Variants in ARID2 observed in about 807,000 individuals in gnomAD.
ARID2 encodes the protein AT-rich interactive domain-containing protein 2.
In ARID2, 32 loss-of-function variants were observed where a neutral mutation model predicts 184.6. The observed-to-expected ratio is 0.17, with a 90% CI of 0.13 to 0.23. ARID2 has a LOEUF of 0.23. ARID2 is among the 10% of genes least tolerant of loss of function. The probability of loss-of-function intolerance (pLI) is 1.00; values close to 1 mark genes in which losing one functional copy is unlikely to be tolerated. For synonymous variants in ARID2, 836 were observed against 772.6 expected (o/e 1.08, Z -1.36); for missense variants, 1,696 against 2,197.6 (o/e 0.77, Z 4.56).
intron 6 of ARID2, among the ~76,000 whole-genome samples, chr12:45,827,083 C>A (rs982017453): frequency 6.6e-6 from 1 of 151,906 alleles, no homozygotes; most frequent in African/African-American, 2.4e-5. Context: ...TACGTACTCA[C>A]ATCCAGGCCC....
intron 10 of ARID2, among the ~76,000 whole-genome samples, chr12:45,839,019 C>T (rs1056052093): frequency 9.2e-5 from 14 of 151,378 alleles, no homozygotes; most frequent in African/African-American, 2.9e-4. Context: ...GCACCATGCC[C>T]GGCTAATTTT....
In ARID2 at chr12:45,906,584, A is replaced by T. The variant is rs1385305751; in HGVS notation, c.*1506A>T. 8.6e-6 allele frequency: 2 copies of T among 232,650 alleles called. No homozygotes were observed. The highest frequency in any genetic ancestry group is 4.4e-5 in the African/African-American group (2 of 45,308). The allele number at this position is 232,650 out of a possible 1,614,324, so 14.4% of individuals were successfully genotyped here. A position where few individuals can be genotyped will look rare whatever the true frequency, so the allele number is the denominator to read the frequency against. ...TGAGTATGCTTAAGACATCTTAAAA[A>T]TATAGAGAGAATTCTAAATTCAGCT... On this transcript the variant is annotated 3_prime_UTR_variant, in exon 21 of 21. Coordinates refer to ENST00000334344, the MANE Select transcript of ARID2 (RefSeq NM_152641.4).
intron 20 of ARID2, among the ~76,000 whole-genome samples, chr12:45,902,765 G>T (rs997011981): frequency 6.6e-6 from 1 of 151,768 alleles, no homozygotes; most frequent in African/African-American, 2.4e-5. Flanking sequence ...GGCTGGTCTC[G>T]AACTCCTGAC....
chr12:45,788,359 A>G (rs1292591314), intron 3 of ARID2, among the ~76,000 whole-genome samples: 1 of 152,172 alleles, frequency 6.6e-6, no homozygotes, highest in East Asian at 1.9e-4. Context: ...TAAATTATCA[A>G]ACCTCAAGAT....
At chr12:45,885,316 AAT>A (rs1295887538) in intron 16 of ARID2, among the ~76,000 whole-genome samples, 1 of 152,058 alleles carries the variant, frequency 6.6e-6, no homozygotes, top group Admixed American at 6.5e-5. Flanking sequence ...TTAAAACTAA[AAT>A]ATGTTTGCAG....
chr12:45,862,198 A>T lies in ARID2; in HGVS notation c.4922+1249A>T, dbSNP rs567895225. ...GTTTGTTTTTCTTTTCAATGAAAAA[A>T]TTAAATATATCATAGTTCACCATGT... On this transcript the variant is annotated intron_variant, in intron 16 of 20. Coordinates refer to ENST00000334344, the MANE Select transcript of ARID2 (RefSeq NM_152641.4). Among the ~76,000 whole-genome samples, 8 of 152,286 alleles carry T rather than the reference A, an allele frequency of 5.3e-5. No individual in the cohort carries two copies. The South Asian group carries it at 1.2e-3, about 24-fold the overall frequency.
intron 3 of ARID2, among the ~76,000 whole-genome samples, chr12:45,798,997 G>T (rs1942444339): frequency 6.6e-6 from 1 of 151,278 alleles, no homozygotes; most frequent in South Asian, 2.1e-4. Flanking sequence ...ATTAACCTGG[G>T]TATTAAAATA....
chr12:45,842,269 A>G (rs1943358236), intron 11 of ARID2: 1 of 151,362 alleles, frequency 6.6e-6, no homozygotes, highest in African/African-American at 2.4e-5. Context: ...GTATATACAT[A>G]TATACACATA....
rs527356545 is a variant in ARID2 at position 45,817,641 on chromosome 12, A to ATACT, written c.419-26_419-23dup. The ATACT allele has an allele frequency of 3.2e-4, 490 of 1,547,624 alleles. No homozygotes were observed. The African/African-American group carries it at 6.0e-3, about 19-fold the overall frequency. On this transcript the variant is annotated intron_variant, in intron 4 of 20. Transcript: ENST00000334344. ...ACCATAAAGGTATCTGATCTTTGAT[A>ATACT]TACTTAAGGTATTTTTTTTCTTTGT...
chr12:45,777,825 A>ATATATTT (rs1942013957), intron 3 of ARID2, among the ~76,000 whole-genome samples: 1 of 148,008 alleles, frequency 6.8e-6, no homozygotes, highest in Admixed American at 6.8e-5. Context: ...TTATATAAAT[A>ATATATTT]TATATTTTAT....
chr12:45,798,271 C>A lies in ARID2; in HGVS notation c.285-13147C>A, dbSNP rs1213698987. ...TAATATTCTACATCCTTATCCTATT[C>A]TTTGCTAACATGCAATGTAGGATAA... is the stretch of plus-strand genomic sequence containing the variant. On this transcript the variant is annotated intron_variant, in intron 3 of 20. Transcript: ENST00000334344. Among the ~76,000 whole-genome samples the A allele has an allele frequency of 4.6e-5, 7 of 151,740 alleles. No homozygotes were observed. In the East Asian group the frequency reaches 1.3e-3, roughly 29 times the overall value.
chr12:45,754,254 G>T (rs1941521319), intron 3 of ARID2, among the ~76,000 whole-genome samples: 1 of 152,210 alleles, frequency 6.6e-6, no homozygotes, highest in African/African-American at 2.4e-5. Flanking sequence ...CATTTCTTCA[G>T]TGGCTCTCTA....
chr12:45,747,207 G>C (rs2137988148), intron 3 of ARID2, among the ~76,000 whole-genome samples: 1 of 152,160 alleles, frequency 6.6e-6, no homozygotes, highest in East Asian at 1.9e-4. Context: ...GGTAGTTGTG[G>C]GATTGTGGCT....
In ARID2 at chr12:45,906,666, TTAAA is replaced by T. The variant is rs1422970507; in HGVS notation, c.*1591_*1594del. On this transcript the variant is annotated 3_prime_UTR_variant, in exon 21 of 21. Transcript: ENST00000334344. ...TGATTATATGTTGATTGATAACATA[TTAAA>T]TAGAGAACAAATAAGAGAGGTCCTT... 8.6e-6 allele frequency: 2 copies of T among 232,076 alleles called. No individual in the cohort carries two copies. The highest frequency in any genetic ancestry group is 1.7e-5 in the Non-Finnish European group (2 of 117,488). The allele number at this position is 232,076 out of a possible 1,614,324, so 14.4% of individuals were successfully genotyped here.
At chr12:45,817,451 C>A (rs1289557230) in intron 4 of ARID2, among the ~76,000 whole-genome samples, 3 of 149,168 alleles carry the variant, frequency 2.0e-5, no homozygotes, top group African/African-American at 7.3e-5. Flanking sequence ...TATTTTAATA[C>A]CTTTTCAAGA....
intron 3 of ARID2, among the ~76,000 whole-genome samples, chr12:45,809,994 A>G (rs1942674550): frequency 6.6e-6 from 1 of 152,202 alleles, no homozygotes. Flanking sequence ...AGCTGTCTTA[A>G]AAAAGCAGAG....
rs535755990 is a variant in ARID2 at position 45,852,435 on chromosome 12, G to T, written c.4312G>T (p.Ala1438Ser). ...CAGTATACAGGAGGCTTCAAATGCG[G>T]CAACACAGCAATTTAGTGGTACTGA... Reference protein sequence around the residue: ...VSSIQEASNAATQQFSGTDLL... With the variant: ...VSSIQEASNASTQQFSGTDLL... Residue 1438 changes from alanine (A) to serine (S), a missense_variant, in exon 15 of 21, where the codon GCA (alanine) becomes TCA (serine). Ala to Ser is a moderately conservative substitution (Grantham distance 99, BLOSUM62 1). Around this residue, in one of 11 missense-constraint regions of ARID2, gnomAD observed 428 missense variants for 409.1 expected, o/e 1.05. Coordinates refer to ENST00000334344, the MANE Select transcript of ARID2 (RefSeq NM_152641.4). The T allele has an allele frequency of 6.2e-7, 1 of 1,614,126 alleles. No individual in the cohort carries two copies. The highest frequency in any genetic ancestry group is 1.1e-5 in the South Asian group (1 of 91,080).
chr12:45,761,763 T>C (rs574781186), intron 3 of ARID2, among the ~76,000 whole-genome samples: 1 of 152,256 alleles, frequency 6.6e-6, no homozygotes, highest in African/African-American at 2.4e-5. Flanking sequence ...AGATTTCATA[T>C]TGTGAATTCT....
intron 6 of ARID2, among the ~76,000 whole-genome samples, chr12:45,825,871 A>G (rs554442734): frequency 1.2e-3 from 186 of 149,004 alleles, no homozygotes; most frequent in East Asian, 2.0e-3. Flanking sequence ...CTTTAAGGGG[A>G]AAAAAAAAAG....
Sources: gnomAD v4.1 joint callset for allele counts (sites outside exome capture counted in the v4.1 genomes callset) on GRCh38, gnomAD v4.1.1 for gene constraint, gnomAD v4.1.1 regional missense constraint, MANE v1.5 for transcripts, NCBI Gene and HGNC (gene_info 2026-07-23, HGNC 2026-07-21) for gene names.